Variants in NR5A1 observed in about 807,000 individuals in gnomAD.
NR5A1 encodes nuclear receptor subfamily 5 group A member 1, also known as steroidogenic factor 1.
A neutral mutation model predicts 42.7 loss-of-function variants in NR5A1; 6 were observed. That is an observed-to-expected ratio of 0.14 (90% confidence interval 0.08 to 0.28). The LOEUF (loss-of-function observed/expected upper bound fraction) is 0.28. NR5A1 is among the 10% of genes least tolerant of loss of function. The probability of loss-of-function intolerance (pLI) is 1.00; values close to 1 mark genes in which losing one functional copy is unlikely to be tolerated. For synonymous variants in NR5A1, 274 were observed against 277.5 expected, an observed-to-expected ratio of 0.99 and a Z score of 0.12; for missense variants, 442 against 626.4, an observed-to-expected ratio of 0.71 and a Z score of 3.14.
At chr9:124,492,137 A>C (rs1379428986) in intron 5 of NR5A1, among the ~76,000 whole-genome samples, 1 of 150,728 alleles carries the variant, frequency 6.6e-6, no homozygotes, top group Admixed American at 6.6e-5. Flanking sequence ...TGTCTTCCCC[A>C]CCCCACAGCA....
In NR5A1 at chr9:124,483,426, G is replaced by A. The variant is rs117296994; in HGVS notation, c.1139-421C>T. 9.8e-5 allele frequency among the ~76,000 whole-genome samples: 15 copies of A among 152,328 alleles called. No individual in the cohort carries two copies. In the East Asian group the frequency reaches 1.5e-3, roughly 16 times the overall value. ...TCGGTCCCCCATCTGTAAAATGGGC[G>A]TGACGACAGTACCAACTTCACAACC... On this transcript the variant is annotated intron_variant, in intron 6 of 6. Transcript: ENST00000373588.
rs1832503408 is a variant in NR5A1, at chr9:124,503,663, C to A, written c.-15-253G>T. Among the ~76,000 whole-genome samples the A allele has an allele frequency of 6.6e-6, 1 of 152,218 alleles. No homozygotes were observed. The highest frequency in any genetic ancestry group is 6.5e-5 in the Admixed American group (1 of 15,294). On this transcript the variant is annotated intron_variant, in intron 1 of 6. Coordinates refer to ENST00000373588, the MANE Select transcript of NR5A1 (RefSeq NM_004959.5). The surrounding 1 kb of genome is among the most constrained non-coding windows in gnomAD (Gnocchi z 9.6). ...GGGGCTCCTCCCGCGCGGACCCCGTCGCGCCCGATCTGGGGCCCTCGGGTT... is the reference window on the plus strand; with the variant it reads ...GGGGCTCCTCCCGCGCGGACCCCGTAGCGCCCGATCTGGGGCCCTCGGGTT...
At chr9:124,505,017 T>A (rs1832534416) in intron 1 of NR5A1, among the ~76,000 whole-genome samples, 1 of 151,400 alleles carries the variant, frequency 6.6e-6, no homozygotes, top group Admixed American at 6.6e-5. Flanking sequence ...CCGGCCCCTC[T>A]ATATCGGCGC....
rs761918494 is a variant in NR5A1, at chr9:124,503,437, G to C, written c.-15-27C>G. 3 of 1,560,378 alleles carry C rather than the reference G, an allele frequency of 1.9e-6. No individual in the cohort carries two copies. In the South Asian group the frequency reaches 3.5e-5, roughly 18 times the overall value. ...TGCGGAGGGACAGCGGGTCAGGGAG[G>C]GCCGGCGGAGACCGGCAGCCTGGGG... On this transcript the variant is annotated intron_variant, in intron 1 of 6. Transcript: ENST00000373588. The surrounding 1 kb of genome is among the most constrained non-coding windows in gnomAD (Gnocchi z 9.6).
At chr9:124,492,098 C>T (rs1832320736) in intron 5 of NR5A1, among the ~76,000 whole-genome samples, 1 of 152,124 alleles carries the variant, frequency 6.6e-6, no homozygotes, top group Non-Finnish European at 1.5e-5. Flanking sequence ...CAGTGGGGGC[C>T]TGGGAGGGCT....
rs369688013 is a variant in NR5A1, at chr9:124,503,341, T to C, written c.55A>G (p.Lys19Glu). The change falls in exon 2 of 7, where the codon AAG becomes GAG. Residue 19 changes from lysine (K) to glutamate (E), a missense_variant. By Grantham distance (56) the Lys-to-Glu change is moderately conservative. This residue lies in a region of NR5A1 where 71 missense variants were observed against 156.8 expected (regional missense o/e 0.45). Transcript: ENST00000373588. The surrounding 1 kb of genome is among the most constrained non-coding windows in gnomAD (Gnocchi z 9.6). ...LDELCPVCGD[K>E]VSGYHYGLLT... ...AGTCCGTAGTGGTAGCCGGACACCT[T>C]GTCCCCGCACACGGGGCACAGCTCG... 3.6e-5 allele frequency: 58 copies of C among 1,611,640 alleles called. No individual in the cohort carries two copies. Among genetic ancestry groups the C allele is most frequent in the Non-Finnish European group, 4.7e-5 (56 of 1,179,566 alleles).
At chr9:124,499,281 T>G (rs1832431529) in intron 4 of NR5A1, among the ~76,000 whole-genome samples, 1 of 152,172 alleles carries the variant, frequency 6.6e-6, no homozygotes, top group African/African-American at 2.4e-5. Flanking sequence ...ATGTCTAGCC[T>G]CAGTTTCTCC....
At chr9:124,497,417 T>C (rs1461225629) in intron 4 of NR5A1, among the ~76,000 whole-genome samples, 1 of 152,080 alleles carries the variant, frequency 6.6e-6, no homozygotes, top group African/African-American at 2.4e-5. Context: ...TGGTGTGAGA[T>C]GGAAACATGG....
intron 6 of NR5A1, among the ~76,000 whole-genome samples, chr9:124,488,206 C>T (rs1309236025): frequency 2.0e-5 from 3 of 152,118 alleles, no homozygotes; most frequent in African/African-American, 7.2e-5. Context: ...CCCCACCCCC[C>T]GGAAGCCTTC....
chr9:124,500,670 G>A lies in NR5A1; in HGVS notation c.290C>T (p.Pro97Leu), dbSNP rs1219603220. 2.5e-6 allele frequency: 4 copies of A among 1,613,236 alleles called. No homozygotes were observed. The highest frequency in any genetic ancestry group is 3.4e-6 in the Non-Finnish European group (4 of 1,180,002). The change falls in exon 4 of 7, where the codon CCG (proline) becomes CTG (leucine). Residue 97 changes from proline (P) to leucine (L), a missense_variant. Pro to Leu is a moderately conservative substitution (Grantham distance 98). This residue lies in a region of NR5A1 where 71 missense variants were observed against 156.8 expected (regional missense o/e 0.45). Transcript: ENST00000373588. The surrounding 1 kb of genome is among the most constrained non-coding windows in gnomAD (Gnocchi z 6.9). ...CAGGGCCCGGTCCCGCTTGTACATC[G>A]GCCCAAACTTGTTCCGGCCACCCCT... ...RMRGGRNKFG[P>L]MYKRDRALKQ...
intron 4 of NR5A1, among the ~76,000 whole-genome samples, chr9:124,497,925 T>A (rs1436913448): frequency 6.6e-6 from 1 of 152,162 alleles, no homozygotes; most frequent in Non-Finnish European, 1.5e-5. Context: ...CCCCCCAGGG[T>A]CCCCTCTGCC....
chr9:124,482,905 C>A lies in NR5A1; in HGVS notation c.1239G>T (p.Gly413=). 1 of 1,614,186 alleles carries A rather than the reference C, an allele frequency of 6.2e-7. No individual in the cohort carries two copies. The highest frequency in any genetic ancestry group is 1.1e-5 in the South Asian group (1 of 91,082). ...DYTLCHYPHC[G]DKFQQLLLCL... ...ACAGCAGCAGCTGCTGGAATTTGTC[C>A]CCGCAGTGCGGGTAGTGGCACAGGG... The change falls in exon 7 of 7, where the codon GGG becomes GGT. Residue 413 remains glycine, a synonymous_variant. Coordinates refer to ENST00000373588, the MANE Select transcript of NR5A1 (RefSeq NM_004959.5).
chr9:124,497,575 A>G (rs917508738), intron 4 of NR5A1, among the ~76,000 whole-genome samples: 3 of 152,134 alleles, frequency 2.0e-5, no homozygotes, highest in Non-Finnish European at 4.4e-5. Flanking sequence ...GAGCAGCAAG[A>G]TGTCATCAGC....
At chr9:124,502,336 T>G (rs575672958) in intron 3 of NR5A1, among the ~76,000 whole-genome samples, 17 of 152,348 alleles carry the variant, frequency 1.1e-4, no homozygotes, top group African/African-American at 4.1e-4. Context: ...TTTATTTTTA[T>G]GTACTTATTT....
chr9:124,500,170 G>A lies in NR5A1; in HGVS notation c.790C>T (p.Leu264Phe), dbSNP rs1367055432. The A allele has an allele frequency of 6.2e-7, 1 of 1,611,974 alleles. No homozygotes were observed. Among genetic ancestry groups the A allele is most frequent in the Non-Finnish European group, 8.5e-7 (1 of 1,179,406 alleles). ...SRPDQPAAFG[L>F]LCRMADQTFI... Reference sequence around the variant, plus strand: ...GTCTGGTCGGCCATTCTGCACAGGAGGCCGAAGGCCGCCGGCTGGTCGGGG... The same window carrying A: ...GTCTGGTCGGCCATTCTGCACAGGAAGCCGAAGGCCGCCGGCTGGTCGGGG... The change falls in exon 4 of 7, where the codon CTC becomes TTC. Residue 264 changes from leucine (L) to phenylalanine (F), a missense_variant. Leu to Phe is a conservative substitution (Grantham distance 22). Transcript: ENST00000373588. This position sits in a 1 kb window ranked among gnomAD's most constrained non-coding sequence, Gnocchi z 6.9.
Position 124,496,793 on chromosome 9 carries a change from G to A in NR5A1, c.870+3297C>T, listed in dbSNP as rs1832396131. Among the ~76,000 whole-genome samples the A allele has an allele frequency of 6.6e-6, 1 of 152,174 alleles. No homozygotes were observed. The highest frequency in any genetic ancestry group is 1.5e-5 in the Non-Finnish European group (1 of 68,026). ...GGCCTCGGAGCTGGATGTTGAGGGT[G>A]AACGGATGTCAAAATGGGTCACTGG... On this transcript the variant is annotated intron_variant, in intron 4 of 6. Transcript: ENST00000373588. This position sits in a 1 kb window ranked among gnomAD's most constrained non-coding sequence, Gnocchi z 5.0.
chr9:124,482,987 T>C lies in NR5A1; in HGVS notation c.1157A>G (p.Asn386Ser), dbSNP rs756608180. 6.2e-7 allele frequency: 1 copy of C among 1,614,020 alleles called. No individual in the cohort carries two copies. Among genetic ancestry groups the C allele is most frequent in the Non-Finnish European group, 8.5e-7 (1 of 1,179,996 alleles). ...LFSLDLKFLN[N>S]HILVKDAQEK... ...CTGAGCGTCTTTCACCAGGATGTGG[T>C]TATTCAGGAACTTCAAATCTGCAAA... Residue 386 changes from asparagine (N) to serine (S), a missense_variant, in exon 7 of 7, where the codon AAC becomes AGC. This residue lies in a region of NR5A1 where 163 missense variants were observed against 265.8 expected (regional missense o/e 0.61). Transcript: ENST00000373588.
chr9:124,490,787 G>A (rs1832295600), intron 6 of NR5A1, among the ~76,000 whole-genome samples: 1 of 152,086 alleles, frequency 6.6e-6, no homozygotes, highest in Non-Finnish European at 1.5e-5. Flanking sequence ...TCAAAATTGG[G>A]GCCCCCTAGA....
At chr9:124,497,133 G>A (rs926638108) in intron 4 of NR5A1, among the ~76,000 whole-genome samples, 2 of 152,216 alleles carry the variant, frequency 1.3e-5, no homozygotes, top group East Asian at 1.9e-4. Flanking sequence ...AAGGGGAAGA[G>A]AGGAAGGGTG....
Sources: gnomAD v4.1 joint callset for allele counts (sites outside exome capture counted in the v4.1 genomes callset) on GRCh38, gnomAD v4.1.1 for gene constraint, gnomAD v4.1.1 regional missense constraint, Gnocchi (gnomAD v3.1) non-coding constraint, MANE v1.5 for transcripts, NCBI Gene and HGNC (gene_info 2026-07-23, HGNC 2026-07-21) for gene names.